SZRD1: variants seen among roughly 807,000 people sequenced by gnomAD.
SZRD1 encodes SUZ RNA binding domain containing 1.
In SZRD1, 7 loss-of-function variants were observed where a neutral mutation model predicts 17.6. The ratio of observed to expected loss-of-function variants is 0.40; its 90% CI spans 0.23 to 0.75. SZRD1 has a LOEUF of 0.75. Among genes scored for constraint, SZRD1 ranks in the 30% least tolerant of loss-of-function variants. The pLI, the probability that SZRD1 is intolerant of heterozygous loss-of-function variation, is 0.38. For synonymous variants in SZRD1, 77 were observed against 77.9 expected (o/e 0.99, Z 0.06); for missense variants, 178 against 201.8 (o/e 0.88, Z 0.71).
chr1:16,369,328 C>T (rs1300723709), intron 1 of SZRD1: 25 of 737,866 alleles, frequency 3.4e-5, no homozygotes, highest in Non-Finnish European at 5.9e-5. Flanking sequence ...GTTGATCTTG[C>T]TCTTACTCCT....
chr1:16,381,425 C>T (rs1272865125), intron 1 of SZRD1, among the ~76,000 whole-genome samples: 2 of 151,904 alleles, frequency 1.3e-5, no homozygotes, highest in Admixed American at 6.6e-5. Context: ...GGTGTGGTGG[C>T]ACACGCCTGT....
chr1:16,378,620 G>A (rs1296836219), intron 1 of SZRD1, among the ~76,000 whole-genome samples: 1 of 152,032 alleles, frequency 6.6e-6, no homozygotes, highest in East Asian at 1.9e-4. Flanking sequence ...TCGGGGCCTT[G>A]GGAGTCAGCT....
At position 16,395,165 on chromosome 1, in the gene SZRD1, G is replaced by T; in HGVS notation, c.*25G>T. On this transcript the variant is annotated 3_prime_UTR_variant, in exon 4 of 4. Transcript: ENST00000401088. ...AATGCAGGCAAGAAAAGATGCCGCC[G>T]TTGCTGCCGTCACCGCCTCCTGGGT... The T allele has an allele frequency of 2.6e-6, 4 of 1,544,908 alleles. No individual in the cohort carries two copies. The South Asian group carries it at 3.3e-5, about 13-fold the overall frequency.
At chr1:16,377,562 C>CAAAAAAAAAAAAAAA (rs34066824) in intron 1 of SZRD1, among the ~76,000 whole-genome samples, 3 of 62,052 alleles carry the variant, frequency 4.8e-5, no homozygotes, top group Non-Finnish European at 6.3e-5. Flanking sequence ...GACTCTGTCT[C>CAAAAAAAAAAAAAAA]AAAAAAAAAA....
rs542770754 is a variant in SZRD1, at chr1:16,394,330, T to TG, written c.357-702dup. On this transcript the variant is annotated intron_variant, in intron 3 of 3. Coordinates refer to ENST00000401088, the MANE Select transcript of SZRD1 (RefSeq NM_001114600.3). ...TTGGAGAGGAGTGGGAGGGAAGAAT[T>TG]GGGGGGCGGGGGATGTGTCCCTCTG... 2.1e-3 allele frequency among the ~76,000 whole-genome samples: 320 copies of TG among 151,968 alleles called. 3 individuals carry two copies. The highest frequency in any genetic ancestry group is 0.018 in the Admixed American group (280 of 15,258).
chr1:16,394,524 G>A (rs1348634188), intron 3 of SZRD1, among the ~76,000 whole-genome samples: 1 of 152,222 alleles, frequency 6.6e-6, no homozygotes, highest in East Asian at 1.9e-4. Context: ...AAAGGATGCT[G>A]TAGCTGCTAG....
chr1:16,385,441 C>T (rs1387894624), intron 1 of SZRD1, among the ~76,000 whole-genome samples: 3 of 152,172 alleles, frequency 2.0e-5, no homozygotes, highest in Admixed American at 2.0e-4. Flanking sequence ...ACATTCGTAC[C>T]TGAGAAGGTA....
chr1:16,389,080 C>CTTTTT lies in SZRD1; in HGVS notation c.52-2278_52-2274dup, dbSNP rs779460255. Among the ~76,000 whole-genome samples, 106 of 114,898 alleles carry CTTTTT rather than the reference C, an allele frequency of 9.2e-4. 1 individual carries two copies. The highest frequency in any genetic ancestry group is 3.0e-3 in the African/African-American group (92 of 30,626). The allele number at this position is 114,898 out of a possible 152,430, so 75.4% of individuals were successfully genotyped here. A position where few individuals can be genotyped will look rare whatever the true frequency, so the allele number is the denominator to read the frequency against. On this transcript the variant is annotated intron_variant, in intron 1 of 3. Transcript: ENST00000401088. ...CCATCAACTGGAGAATAGTTATTTC[C>CTTTTT]TTTTTTTTTTTTTTTTTTTTTGAGA...
intron 1 of SZRD1, among the ~76,000 whole-genome samples, chr1:16,382,956 C>A (rs1026955515): frequency 6.6e-6 from 1 of 151,894 alleles, no homozygotes; most frequent in African/African-American, 2.4e-5. Flanking sequence ...ACCTCCGCCT[C>A]CCGGGTTCTA....
At chr1:16,384,911 C>T (rs1274883704) in intron 1 of SZRD1, among the ~76,000 whole-genome samples, 1 of 152,112 alleles carries the variant, frequency 6.6e-6, no homozygotes, top group African/African-American at 2.4e-5. Flanking sequence ...CCAGAGGACC[C>T]TGTGGGGCAG....
chr1:16,392,293 G>A (rs751797372), intron 2 of SZRD1, among the ~76,000 whole-genome samples: 5 of 152,190 alleles, frequency 3.3e-5, no homozygotes, highest in Admixed American at 1.3e-4. Flanking sequence ...GGCTCTGGAA[G>A]CAGGCTTGTT....
intron 1 of SZRD1, among the ~76,000 whole-genome samples, chr1:16,385,812 G>T (rs1044591438): frequency 6.6e-6 from 1 of 152,176 alleles, no homozygotes; most frequent in Non-Finnish European, 1.5e-5. Context: ...GTGAAGCTGA[G>T]CTTCCTCCTC....
Position 16,397,694 on chromosome 1 carries a change from C to G in SZRD1, c.*2554C>G, listed in dbSNP as rs1477203105. On this transcript the variant is annotated 3_prime_UTR_variant, in exon 4 of 4. Transcript: ENST00000401088. The surrounding 1 kb of genome is among the most constrained non-coding windows in gnomAD (Gnocchi z 5.4). ...CTATAACCAAAGGAGCTGGGGGGTC[C>G]AGGCCTGGTGACCAACCTTTCTCAG... is the stretch of plus-strand genomic sequence containing the variant. The G allele has an allele frequency of 6.6e-6, 1 of 152,506 alleles. No homozygotes were observed. Among genetic ancestry groups the G allele is most frequent in the Non-Finnish European group, 1.5e-5 (1 of 68,306 alleles). 9.4% of individuals were successfully genotyped at this position (152,506 alleles called of 1,614,324 possible).
chr1:16,389,206 C>G (rs1316388113), intron 1 of SZRD1, among the ~76,000 whole-genome samples: 25 of 144,606 alleles, frequency 1.7e-4, no homozygotes, highest in African/African-American at 5.7e-4. Context: ...GCCTCAGCCT[C>G]CCGAGTAGCT....
rs536236149 is a variant in SZRD1 at position 16,397,060 on chromosome 1, T to C, written c.*1920T>C. 2 of 152,436 alleles carry C rather than the reference T, an allele frequency of 1.3e-5. No individual in the cohort carries two copies. Among genetic ancestry groups the C allele is most frequent in the South Asian group, 4.1e-4 (2 of 4,836 alleles). 9.4% of individuals were successfully genotyped at this position (152,436 alleles called of 1,614,324 possible). A position where few individuals can be genotyped will look rare whatever the true frequency, so the allele number is the denominator to read the frequency against. On this transcript the variant is annotated 3_prime_UTR_variant, in exon 4 of 4. Coordinates refer to ENST00000401088, the MANE Select transcript of SZRD1 (RefSeq NM_001114600.3). This position sits in a 1 kb window ranked among gnomAD's most constrained non-coding sequence, Gnocchi z 5.4. ...TGGTTTCCCGCCCAAAGTGAGACTT[T>C]CCTTTTAATTGGAGAAGGGTATAGA... is the stretch of plus-strand genomic sequence containing the variant.
chr1:16,383,124 C>G (rs545009089), intron 1 of SZRD1, among the ~76,000 whole-genome samples: 1 of 152,304 alleles, frequency 6.6e-6, no homozygotes, highest in East Asian at 1.9e-4. Flanking sequence ...CCTCGGCCTC[C>G]CAAAGACACA....
intron 1 of SZRD1, among the ~76,000 whole-genome samples, chr1:16,371,779 G>A (rs1046116485): frequency 1.3e-5 from 2 of 150,822 alleles, no homozygotes; most frequent in Admixed American, 6.6e-5. Context: ...AAGACAGAAG[G>A]GTCTTGCTCT....
In SZRD1 at chr1:16,395,487, C is replaced by T. The variant is rs541490618; in HGVS notation, c.*347C>T. 2.0e-4 allele frequency: 58 copies of T among 289,630 alleles called. No homozygotes were observed. Among genetic ancestry groups the T allele is most frequent in the Admixed American group, 6.3e-4 (13 of 20,772 alleles). 17.9% of individuals were successfully genotyped at this position (289,630 alleles called of 1,614,324 possible). ...GGGGTAAAGCCAGTGCCAGCAATAA[C>T]AGTTTATCATGCTCATTAATTTGGG... On this transcript the variant is annotated 3_prime_UTR_variant, in exon 4 of 4. Transcript: ENST00000401088.
intron 1 of SZRD1, among the ~76,000 whole-genome samples, chr1:16,379,349 C>T (rs998546424): frequency 3.3e-5 from 5 of 152,082 alleles, no homozygotes; most frequent in Non-Finnish European, 5.9e-5. Context: ...GTGATCCGCC[C>T]GCCTCGTCCT....
Sources: gnomAD v4.1 joint callset for allele counts (sites outside exome capture counted in the v4.1 genomes callset) on GRCh38, gnomAD v4.1.1 for gene constraint, Gnocchi (gnomAD v3.1) non-coding constraint, MANE v1.5 for transcripts, NCBI Gene and HGNC (gene_info 2026-07-23, HGNC 2026-07-21) for gene names.